TMEM232: variants seen among roughly 807,000 people sequenced by gnomAD.
The protein encoded by TMEM232 is transmembrane protein 232.
TMEM232 carries 80 observed loss-of-function variants against 78.8 expected under a neutral mutation model. That is an observed-to-expected ratio of 1.01 (90% CI 0.85 to 1.22). The LOEUF (loss-of-function observed/expected upper bound fraction) is 1.22, where lower values mean the gene tolerates loss of function less well. Among genes scored for constraint, TMEM232 ranks in the 50% most tolerant of loss-of-function variants. TMEM232 has a pLI of 0.00. For missense variants in TMEM232, 881 were observed against 742.2 expected (o/e 1.19, Z -2.17); for synonymous variants, 297 against 254.3 (o/e 1.17, Z -1.60).
chr5:110,408,300 A>G (rs1242604767), intron 2 of TMEM232, among the ~76,000 whole-genome samples: 1 of 152,200 alleles, frequency 6.6e-6, no homozygotes, highest in Non-Finnish European at 1.5e-5. Flanking sequence ...AGACTTTAAA[A>G]ACAATACAAG....
chr5:110,404,215 A>T (rs941846819), intron 2 of TMEM232, among the ~76,000 whole-genome samples: 1 of 152,062 alleles, frequency 6.6e-6, no homozygotes, highest in Non-Finnish European at 1.5e-5. Context: ...ATATACTTCA[A>T]AATTGTTTTT....
chr5:110,397,918 T>G (rs1289746013), intron 2 of TMEM232: 2 of 152,596 alleles, frequency 1.3e-5, no homozygotes, highest in African/African-American at 4.8e-5. Flanking sequence ...TGTTCTTCTC[T>G]CAATAACTTG....
chr5:110,409,641 C>T (rs188224988), intron 2 of TMEM232, among the ~76,000 whole-genome samples: 1 of 152,132 alleles, frequency 6.6e-6, no homozygotes, highest in African/African-American at 2.4e-5. Flanking sequence ...TTAGAGATAA[C>T]TTTCTATGTC....
intron 12 of TMEM232, among the ~76,000 whole-genome samples, chr5:110,468,300 GT>G (rs58284722): frequency 0.081 from 12,292 of 151,614 alleles, 1,134 homozygotes; most frequent in African/African-American, 0.23. Context: ...ATAAAATAAT[GT>G]TTTTTTAACA....
At chr5:110,482,622 T>C (rs1383678643) in intron 12 of TMEM232, among the ~76,000 whole-genome samples, 1 of 150,544 alleles carries the variant, frequency 6.6e-6, no homozygotes, top group Non-Finnish European at 1.5e-5. Context: ...TTTTAATTAA[T>C]GATGAGCTTA....
chr5:110,692,438 T>C (rs1794240117), intron 1 of TMEM232, among the ~76,000 whole-genome samples: 1 of 151,902 alleles, frequency 6.6e-6, no homozygotes, highest in South Asian at 2.1e-4. Context: ...CACTGGGGAG[T>C]GCCGGACAGT....
chr5:110,526,092 A>T (rs1770559100), intron 12 of TMEM232, among the ~76,000 whole-genome samples: 1 of 150,576 alleles, frequency 6.6e-6, no homozygotes, highest in Non-Finnish European at 1.5e-5. Flanking sequence ...ACAAATCCTT[A>T]AAAATAGTAA....
chr5:110,589,289 T>C (rs1022778573), intron 10 of TMEM232, among the ~76,000 whole-genome samples: 7 of 152,184 alleles, frequency 4.6e-5, no homozygotes, highest in Middle Eastern at 3.2e-3. Context: ...AGTGTTTTAA[T>C]GACACAGACC....
chr5:110,554,247 C>T (rs1774806355), intron 11 of TMEM232, among the ~76,000 whole-genome samples: 1 of 152,074 alleles, frequency 6.6e-6, no homozygotes, highest in Admixed American at 6.6e-5. Context: ...AGAATATAAG[C>T]AGGCAGAAAA....
At chr5:110,429,949 G>A (rs1757644310) in intron 12 of TMEM232, 1 of 151,488 alleles carries the variant, frequency 6.6e-6, no homozygotes, top group Non-Finnish European at 1.5e-5. Flanking sequence ...TAGTTCTATT[G>A]CAATTTCTTC....
At chr5:110,574,406 T>C (rs559529282) in intron 10 of TMEM232, among the ~76,000 whole-genome samples, 1 of 152,164 alleles carries the variant, frequency 6.6e-6, no homozygotes, top group African/African-American at 2.4e-5. Context: ...AAAGAGAGGG[T>C]TGGCCTTTGT....
chr5:110,653,612 T>A (rs1368467280), intron 2 of TMEM232, among the ~76,000 whole-genome samples: 1 of 152,168 alleles, frequency 6.6e-6, no homozygotes, highest in East Asian at 1.9e-4. Context: ...CAAGTTAAAA[T>A]TGATCTATCT....
At chr5:110,636,680 G>A (rs961552074) in intron 5 of TMEM232, among the ~76,000 whole-genome samples, 11 of 151,874 alleles carry the variant, frequency 7.2e-5, no homozygotes, top group African/African-American at 2.7e-4. Context: ...TAGACTTTGG[G>A]CAAGTCACTT....
intron 12 of TMEM232, among the ~76,000 whole-genome samples, chr5:110,488,375 G>A (rs1467713657): frequency 1.3e-5 from 2 of 151,980 alleles, no homozygotes; most frequent in Non-Finnish European, 2.9e-5. Context: ...TTAAAGCACA[G>A]AGCATCTTTT....
intron 10 of TMEM232, among the ~76,000 whole-genome samples, chr5:110,591,941 C>G (rs1474391328): frequency 6.6e-6 from 1 of 152,122 alleles, no homozygotes; most frequent in African/African-American, 2.4e-5. Context: ...GATGATACTA[C>G]CTTTGGAACC....
chr5:110,441,091 G>T (rs1008659091), intron 12 of TMEM232, among the ~76,000 whole-genome samples: 3 of 152,062 alleles, frequency 2.0e-5, no homozygotes, highest in African/African-American at 7.2e-5. Flanking sequence ...TCTGTTCATG[G>T]TTCTTGCCAA....
chr5:110,510,738 A>G (rs1197191260), intron 12 of TMEM232, among the ~76,000 whole-genome samples: 1 of 152,196 alleles, frequency 6.6e-6, no homozygotes, highest in African/African-American at 2.4e-5. Flanking sequence ...TCAAAATCAC[A>G]ATAATATACC....
At position 110,471,617 on chromosome 5, in the gene TMEM232, GA is replaced by G. The variant is rs563884697; in HGVS notation, c.1704-46702del. On this transcript the variant is annotated intron_variant, in intron 12 of 13. Transcript: ENST00000455884. ...GGATGACATATTCCAAGTGCTGAAA[GA>G]AAAAAAAAAAGAAGACAAAAAAAAC... Among the ~76,000 whole-genome samples the G allele has an allele frequency of 6.6e-3, 927 of 140,660 alleles. 3 individuals carry two copies. The highest frequency in any genetic ancestry group is 0.012 in the Admixed American group (163 of 14,024). 92.3% of individuals were successfully genotyped at this position (140,660 alleles called of 152,430 possible).
intron 5 of TMEM232, among the ~76,000 whole-genome samples, chr5:110,637,673 A>G (rs948253252): frequency 3.3e-5 from 5 of 151,984 alleles, no homozygotes; most frequent in African/African-American, 4.8e-5. Flanking sequence ...TGTTTGACTA[A>G]TAATATATTT....
Sources: gnomAD v4.1 joint callset for allele counts (sites outside exome capture counted in the v4.1 genomes callset) on GRCh38, gnomAD v4.1.1 for gene constraint, MANE v1.5 for transcripts, NCBI Gene and HGNC (gene_info 2026-07-23, HGNC 2026-07-21) for gene names.